Variants in TMEM175 observed in about 807,000 individuals in gnomAD.
The protein encoded by TMEM175 is endosomal/lysosomal proton channel TMEM175.
Under a neutral mutation model 36.5 loss-of-function variants are expected in TMEM175, and 36 were observed. The observed-to-expected ratio is 0.99, with a 90% CI of 0.76 to 1.30. The LOEUF (loss-of-function observed/expected upper bound fraction) is 1.30, where lower values mean the gene tolerates loss of function less well. Ranked by LOEUF, TMEM175 falls within the 50% of genes most tolerant of loss-of-function variation. The probability of loss-of-function intolerance (pLI) is 0.00; values close to 1 mark genes in which losing one functional copy is unlikely to be tolerated. For synonymous variants in TMEM175, 339 were observed against 313.4 expected, an observed-to-expected ratio of 1.08 and a Z score of -0.86; for missense variants, 705 against 692.8, an observed-to-expected ratio of 1.02 and a Z score of -0.20.
chr4:939,415 T>C (rs1422474432), intron 1 of TMEM175, among the ~76,000 whole-genome samples: 1 of 151,848 alleles, frequency 6.6e-6, no homozygotes, highest in South Asian at 2.1e-4. Flanking sequence ...ACCCCATTTC[T>C]ACTAAAAATA....
chr4:951,594 C>T (rs1349403087), intron 5 of TMEM175, 88 bp from the exon 6 acceptor site: 2 of 1,564,192 alleles, frequency 1.3e-6, no homozygotes, highest in Non-Finnish European at 1.8e-6. Flanking sequence ...GAGGGCCCAG[C>T]CCTGTGCCTT....
intron 1 of TMEM175, among the ~76,000 whole-genome samples, chr4:941,873 T>C (rs1397120011): frequency 6.6e-6 from 1 of 152,082 alleles, no homozygotes; most frequent in East Asian, 1.9e-4. Context: ...CTGGGCCACA[T>C]AGACCCCATG....
At chr4:946,996 A>G (rs1344609917) in intron 1 of TMEM175, among the ~76,000 whole-genome samples, 31 of 140,198 alleles carry the variant, frequency 2.2e-4, no homozygotes, top group African/African-American at 8.4e-4. Flanking sequence ...AGGCGCCGAG[A>G]CCGAGGGAGA....
chr4:949,582 A>G (rs927240042), intron 3 of TMEM175, among the ~76,000 whole-genome samples: 7 of 152,262 alleles, frequency 4.6e-5, no homozygotes. Flanking sequence ...ATGGGACTCA[A>G]TTAAGAAGTG....
At chr4:948,472 C>T in intron 3 of TMEM175, 2 of 1,454,954 alleles carry the variant, frequency 1.4e-6, no homozygotes, top group Admixed American at 4.1e-5. Context: ...AGGTTCCGGG[C>T]CTGCCCCAAG....
chr4:955,384 C>CTGCG, intron 8 of TMEM175, 21 bp from the exon 9 acceptor site: 1 of 1,609,466 alleles, frequency 6.2e-7, no homozygotes, highest in Non-Finnish European at 8.5e-7. Context: ...GGGCACTGAC[C>CTGCG]TGCGGTTTGT....
intron 1 of TMEM175, among the ~76,000 whole-genome samples, chr4:941,962 A>T (rs1457197348): frequency 6.6e-6 from 1 of 152,148 alleles, no homozygotes; most frequent in Non-Finnish European, 1.5e-5. Flanking sequence ...ATCATCTTCC[A>T]AGAGTTTTAT....
At chr4:934,382 C>A (rs774879179) in intron 1 of TMEM175, among the ~76,000 whole-genome samples, 107 of 152,112 alleles carry the variant, frequency 7.0e-4, no homozygotes, top group Non-Finnish European at 1.2e-3. Context: ...ATGTTCGGGG[C>A]AGAGAGTGCA....
At chr4:947,927 C>T (rs550839464) in intron 2 of TMEM175, 35 bp downstream of exon 2, 2 of 1,613,782 alleles carry the variant, frequency 1.2e-6, no homozygotes, top group Admixed American at 3.3e-5. Context: ...CCTGCCCCAC[C>T]CCGAGCCTCT....
At chr4:947,395 G>A (rs1363409253) in intron 1 of TMEM175, among the ~76,000 whole-genome samples, 3 of 152,182 alleles carry the variant, frequency 2.0e-5, no homozygotes, top group Non-Finnish European at 4.4e-5. Context: ...CGTTTAGGTC[G>A]GCCTTGGGGT....
At chr4:949,562 G>A (rs577879006) in intron 3 of TMEM175, among the ~76,000 whole-genome samples, 203 of 152,326 alleles carry the variant, frequency 1.3e-3, no homozygotes, top group South Asian at 3.9e-3. Flanking sequence ...CCCATGATTC[G>A]AAAAGCTAAA....
chr4:958,436 C>G lies in TMEM175; in HGVS notation c.1455C>G (p.Pro485=), dbSNP rs377577765. 4.7e-5 allele frequency: 74 copies of G among 1,589,592 alleles called. No individual in the cohort carries two copies. The highest frequency in any genetic ancestry group is 6.0e-5 in the Non-Finnish European group (70 of 1,174,296). Residue 485 remains proline (P), a synonymous_variant, in exon 11 of 11, where the codon CCC becomes CCG. Transcript: ENST00000264771. ...GGGGCCTCGCCCGGCCCGAACACCC[C>G]CCGCCAGCCCCCACGGGCCAGGACG... ...VLRGLARPEH[P]PPAPTGQDDP...
intron 10 of TMEM175, 89 bp from the exon 11 acceptor site, chr4:957,735 A>T (rs1729891370): frequency 1.5e-6 from 2 of 1,328,992 alleles, no homozygotes; most frequent in Admixed American, 4.5e-5. Flanking sequence ...TGCCAGATCC[A>T]GGCAGCCCTG....
intron 1 of TMEM175, among the ~76,000 whole-genome samples, chr4:942,955 T>C (rs993231407): frequency 8.6e-5 from 13 of 152,022 alleles, no homozygotes; most frequent in African/African-American, 3.1e-4. Flanking sequence ...TCAGAACTTC[T>C]GTTCTCCTAA....
At position 957,949 on chromosome 4, in the gene TMEM175, T is replaced by G; in HGVS notation, c.968T>G (p.Leu323Arg). 6.2e-7 allele frequency: 1 copy of G among 1,612,814 alleles called. No homozygotes were observed. The highest frequency in any genetic ancestry group is 1.1e-5 in the South Asian group (1 of 91,086). ...YFGSFATVGLLWFAHHSLFLH... is the reference protein window; with the variant it reads ...YFGSFATVGLRWFAHHSLFLH... ...GGCTCCTTCGCCACAGTGGGACTGC[T>G]GTGGTTCGCCCACCACTCACTCTTC... Residue 323 changes from leucine to arginine, a missense_variant, in exon 11 of 11, where the codon CTG (leucine) becomes CGG (arginine). Coordinates refer to ENST00000264771, the MANE Select transcript of TMEM175 (RefSeq NM_032326.4).
chr4:952,392 A>G lies in TMEM175; in HGVS notation c.404A>G (p.Asp135Gly), dbSNP rs945845525. Residue 135 changes from aspartate (D) to glycine (G), a missense_variant, in exon 7 of 11, where the codon GAT becomes GGT. Asp to Gly is a moderately conservative substitution (Grantham distance 94, BLOSUM62 -1). Coordinates refer to ENST00000264771, the MANE Select transcript of TMEM175 (RefSeq NM_032326.4). ...YTFSLMVTFPDVPLGIFLFCV... is the reference protein window; with the variant it reads ...YTFSLMVTFPGVPLGIFLFCV... Reference sequence around the variant, plus strand: ...TTTTCGTTAATGGTGACCTTCCCTGATGTGCCTCTGGGCATCTTCTTGTTC... The same window carrying G: ...TTTTCGTTAATGGTGACCTTCCCTGGTGTGCCTCTGGGCATCTTCTTGTTC... 2 of 1,611,094 alleles carry G rather than the reference A, an allele frequency of 1.2e-6. No homozygotes were observed. The highest frequency in any genetic ancestry group is 2.7e-5 in the African/African-American group (2 of 74,444).
chr4:943,827 G>A (rs79990696), intron 1 of TMEM175, among the ~76,000 whole-genome samples: 51 of 152,292 alleles, frequency 3.3e-4, no homozygotes, highest in African/African-American at 1.2e-3. Context: ...CAATACACAC[G>A]TTTTTCAGCT....
chr4:953,192 A>G lies in TMEM175; in HGVS notation c.465A>G (p.Ala155=). The G allele has an allele frequency of 3.7e-6, 6 of 1,605,412 alleles. No individual in the cohort carries two copies. The highest frequency in any genetic ancestry group is 4.3e-6 in the Non-Finnish European group (5 of 1,174,720). The change falls in exon 8 of 11, where the codon GCA becomes GCG. Residue 155 remains alanine, a splice_region_variant and synonymous_variant. Transcript: ENST00000264771. ...CCTACAGCTTGCTTTTCCCGCAGGCACTGATTGTGGGGTACGCATTCCACT... is the reference window on the plus strand; with the variant it reads ...CCTACAGCTTGCTTTTCCCGCAGGCGCTGATTGTGGGGTACGCATTCCACT... ...VCVIAIGVVQ[A]LIVGYAFHFP...
Position 955,682 on chromosome 4 carries a change from G to A in TMEM175, c.707-73G>A, listed in dbSNP as rs1260625003. The A allele has an allele frequency of 3.2e-6, 5 of 1,571,598 alleles. No individual in the cohort carries two copies. In the African/African-American group the frequency reaches 5.4e-5, roughly 17 times the overall value. ...ATTCCAGGCCTCTTCATGGATGAGGGCGGTGACAGCCACGCGGGCTCTACC... is the reference window on the plus strand; with the variant it reads ...ATTCCAGGCCTCTTCATGGATGAGGACGGTGACAGCCACGCGGGCTCTACC... On this transcript the variant is annotated intron_variant, in intron 9 of 10. Coordinates refer to ENST00000264771, the MANE Select transcript of TMEM175 (RefSeq NM_032326.4).
Sources: allele counts gnomAD v4.1 joint callset (sites outside exome capture counted in the v4.1 genomes callset), GRCh38; gene constraint gnomAD v4.1.1; transcripts MANE v1.5; gene names NCBI Gene and HGNC (gene_info 2026-07-23, HGNC 2026-07-21).